The following TRAPPC9 variants were observed in gnomAD, a reference collection of about 807,000 sequenced individuals.
TRAPPC9 encodes trafficking protein particle complex subunit 9.
A neutral mutation model predicts 124.0 loss-of-function variants in TRAPPC9; 83 were observed. The ratio of observed to expected loss-of-function variants is 0.67; its 90% CI spans 0.56 to 0.80. TRAPPC9 has a LOEUF of 0.80. TRAPPC9 is among the 30% of genes least tolerant of loss of function. The pLI, the probability that TRAPPC9 is intolerant of heterozygous loss-of-function variation, is 0.00. For missense variants in TRAPPC9, 1,302 were observed against 1,508.3 expected (o/e 0.86, Z 2.27); for synonymous variants, 638 against 617.5 (o/e 1.03, Z -0.49).
chr8:140,022,708 C>T (rs1839893905), intron 18 of TRAPPC9, among the ~76,000 whole-genome samples: 1 of 152,168 alleles, frequency 6.6e-6, no homozygotes, highest in South Asian at 2.1e-4. Context: ...CGCAGCCATC[C>T]TGGCCAAGCT....
intron 10 of TRAPPC9, among the ~76,000 whole-genome samples, chr8:140,308,747 G>A (rs1419260230): frequency 1.3e-5 from 2 of 152,042 alleles, no homozygotes; most frequent in African/African-American, 4.8e-5. Flanking sequence ...CGGTCGTGGT[G>A]CCATGCGCCT....
intron 21 of TRAPPC9, among the ~76,000 whole-genome samples, chr8:139,856,288 A>T (rs1827793784): frequency 6.6e-6 from 1 of 152,124 alleles, no homozygotes; most frequent in Non-Finnish European, 1.5e-5. Flanking sequence ...TACCTCTTCC[A>T]GCCTTTGGCC....
At chr8:140,202,142 T>C (rs1264491234) in intron 17 of TRAPPC9, among the ~76,000 whole-genome samples, 5 of 142,408 alleles carry the variant, frequency 3.5e-5, no homozygotes, top group African/African-American at 2.6e-5. Context: ...TTTGGTGAGA[T>C]AAAAGCTCAT....
At chr8:139,894,039 C>T (rs553585544) in intron 20 of TRAPPC9, among the ~76,000 whole-genome samples, 7 of 152,378 alleles carry the variant, frequency 4.6e-5, no homozygotes, top group Non-Finnish European at 7.3e-5. Flanking sequence ...TGCCCACAGC[C>T]ACCCTGCAGC....
At chr8:139,994,105 T>C (rs1837814380) in intron 18 of TRAPPC9, among the ~76,000 whole-genome samples, 1 of 152,256 alleles carries the variant, frequency 6.6e-6, no homozygotes, top group African/African-American at 2.4e-5. Flanking sequence ...TGTGTTAGCC[T>C]GGGATCCCCC....
chr8:140,191,064 A>G (rs767222496), intron 17 of TRAPPC9, among the ~76,000 whole-genome samples: 2 of 152,144 alleles, frequency 1.3e-5, no homozygotes, highest in Non-Finnish European at 2.9e-5. Context: ...GGGGGTTACA[A>G]TAGCCTCTAC....
At chr8:140,363,724 A>C (rs2068022349) in intron 8 of TRAPPC9, among the ~76,000 whole-genome samples, 1 of 151,848 alleles carries the variant, frequency 6.6e-6, no homozygotes, top group Admixed American at 6.6e-5. Context: ...CAGCCTCCCG[A>C]GTAGCTGGGA....
intron 21 of TRAPPC9, among the ~76,000 whole-genome samples, chr8:139,789,916 C>A (rs1822537677): frequency 6.6e-6 from 1 of 152,164 alleles, no homozygotes; most frequent in South Asian, 2.1e-4. Context: ...TGAAGGCGGG[C>A]CCTACCCACA....
intron 17 of TRAPPC9, among the ~76,000 whole-genome samples, chr8:140,116,791 C>A (rs1184825521): frequency 6.6e-6 from 1 of 152,066 alleles, no homozygotes; most frequent in Non-Finnish European, 1.5e-5. Context: ...AGGTTCCCTA[C>A]AGGTGGGGCA....
chr8:140,184,158 G>A (rs13275925), intron 17 of TRAPPC9, among the ~76,000 whole-genome samples: 51,078 of 152,020 alleles, frequency 0.34, 10,013 homozygotes, highest in South Asian at 0.49. Flanking sequence ...CACAGAAACA[G>A]GGCAGACATA....
chr8:140,188,949 T>G (rs549360233), intron 17 of TRAPPC9, among the ~76,000 whole-genome samples: 102 of 151,862 alleles, frequency 6.7e-4, no homozygotes, highest in Non-Finnish European at 1.1e-3. Context: ...AAATACCCTC[T>G]GAAACCAGCC....
intron 9 of TRAPPC9, among the ~76,000 whole-genome samples, chr8:140,357,849 G>C (rs1343921837): frequency 6.6e-6 from 1 of 152,196 alleles, no homozygotes; most frequent in Non-Finnish European, 1.5e-5. Context: ...ATCAAGAAAA[G>C]CACAGTTCAA....
chr8:140,284,069 C>T, intron 13 of TRAPPC9, 48 bp from the exon 14 acceptor site: 1 of 1,612,000 alleles, frequency 6.2e-7, no homozygotes, highest in Non-Finnish European at 8.5e-7. Flanking sequence ...GGCTTTGGGT[C>T]TCACGCCCAC....
intron 17 of TRAPPC9, among the ~76,000 whole-genome samples, chr8:140,131,136 T>C (rs2061201881): frequency 6.6e-6 from 1 of 152,216 alleles, no homozygotes; most frequent in African/African-American, 2.4e-5. Flanking sequence ...CTCTATTATT[T>C]CAAATTTAGA....
chr8:140,069,369 G>GTGA (rs1843026198), intron 17 of TRAPPC9, among the ~76,000 whole-genome samples: 1 of 152,110 alleles, frequency 6.6e-6, no homozygotes, highest in South Asian at 2.1e-4. Context: ...CAGTAAGAAT[G>GTGA]TGATCCACCT....
intron 17 of TRAPPC9, among the ~76,000 whole-genome samples, chr8:140,129,623 T>C (rs10092421): frequency 0.28 from 43,093 of 151,614 alleles, 6,683 homozygotes; most frequent in Middle Eastern, 0.37. Context: ...CACAGGAGGA[T>C]TGAACACCTA....
chr8:139,994,569 C>T (rs185225758), intron 18 of TRAPPC9, among the ~76,000 whole-genome samples: 4 of 152,290 alleles, frequency 2.6e-5, no homozygotes, highest in Admixed American at 1.3e-4. Flanking sequence ...TTGGTTGCCA[C>T]GGCAATAGCT....
At chr8:140,209,920 A>C (rs4407863) in intron 17 of TRAPPC9, among the ~76,000 whole-genome samples, 123,709 of 152,276 alleles carry the variant, frequency 0.81, 50,593 homozygotes, top group African/African-American at 0.88. Flanking sequence ...GGATTCAGAC[A>C]TATCCTGATT....
chr8:139,847,772 G>A (rs1271522929), intron 21 of TRAPPC9, among the ~76,000 whole-genome samples: 1 of 147,866 alleles, frequency 6.8e-6, no homozygotes, highest in Non-Finnish European at 1.5e-5. Context: ...TGCCTCTCCG[G>A]CGGCCCAGCC....
Sources: gnomAD v4.1 joint callset for allele counts (sites outside exome capture counted in the v4.1 genomes callset) on GRCh38, gnomAD v4.1.1 for gene constraint, MANE v1.5 for transcripts, NCBI Gene and HGNC (gene_info 2026-07-23, HGNC 2026-07-21) for gene names.